The following ABCC4 variants were observed in gnomAD, a reference collection of about 807,000 sequenced individuals.
ABCC4 encodes ATP-binding cassette sub-family C member 4.
A neutral mutation model predicts 168.5 loss-of-function variants in ABCC4; 102 were observed. The observed-to-expected ratio is 0.61, with a 90% CI of 0.52 to 0.71. The LOEUF is 0.71. ABCC4 is among the 30% of genes least tolerant of loss of function. The probability of loss-of-function intolerance (pLI) is 0.00; values close to 1 mark genes in which losing one functional copy is unlikely to be tolerated. For synonymous variants in ABCC4, 617 were observed against 590.7 expected, an observed-to-expected ratio of 1.04 and a Z score of -0.65; for missense variants, 1,402 against 1,605.8, an observed-to-expected ratio of 0.87 and a Z score of 2.17.
chr13:95,214,928 A>T (rs953097204), intron 4 of ABCC4, among the ~76,000 whole-genome samples: 1 of 151,208 alleles, frequency 6.6e-6, no homozygotes, highest in African/African-American at 2.4e-5. Context: ...GAATTCTATC[A>T]CCAACACAAA....
intron 4 of ABCC4, among the ~76,000 whole-genome samples, chr13:95,217,076 A>G (rs2039135165): frequency 6.6e-6 from 1 of 152,242 alleles, no homozygotes; most frequent in Non-Finnish European, 1.5e-5. Context: ...AGTAAACACC[A>G]TCAGAGCAGG....
At chr13:95,221,382 T>C (rs942958574) in intron 4 of ABCC4, among the ~76,000 whole-genome samples, 1 of 152,090 alleles carries the variant, frequency 6.6e-6, no homozygotes, top group African/African-American at 2.4e-5. Context: ...GTACACACCA[T>C]CATGCCTGGC....
chr13:95,032,053 G>GAA (rs2031901046), intron 30 of ABCC4, among the ~76,000 whole-genome samples: 1 of 152,158 alleles, frequency 6.6e-6, no homozygotes. Flanking sequence ...TTTTATGAGG[G>GAA]AAGCTTTGGC....
In ABCC4 at chr13:95,177,967, C is replaced by G. The variant is rs111870162; in HGVS notation, c.1640+30G>C. The G allele has an allele frequency of 1.9e-6, 3 of 1,608,078 alleles. No homozygotes were observed. In the East Asian group the frequency reaches 6.7e-5, roughly 36 times the overall value. On this transcript the variant is annotated intron_variant, in intron 12 of 30. Coordinates refer to ENST00000645237, the MANE Select transcript of ABCC4 (RefSeq NM_005845.5). ...ACCACTGGAAGGTATCAAAAGACACCGGCATAGTGGCTGCTGAAATGCAAC... is the reference window on the plus strand; with the variant it reads ...ACCACTGGAAGGTATCAAAAGACACGGGCATAGTGGCTGCTGAAATGCAAC...
chr13:95,163,761 G>A, intron 16 of ABCC4, 114 bp from the exon 17 acceptor site: 1 of 873,582 alleles, frequency 1.1e-6, no homozygotes, highest in Non-Finnish European at 1.8e-6. Flanking sequence ...GCCGGGCGTG[G>A]TGGCTCATGC....
At chr13:95,080,808 T>C (rs997309667) in intron 21 of ABCC4, among the ~76,000 whole-genome samples, 1 of 152,136 alleles carries the variant, frequency 6.6e-6, no homozygotes, top group Non-Finnish European at 1.5e-5. Flanking sequence ...ATGCCGGCTA[T>C]GACTCCAGGG....
chr13:95,171,856 A>T (rs2037488214), intron 13 of ABCC4, among the ~76,000 whole-genome samples: 1 of 152,118 alleles, frequency 6.6e-6, no homozygotes, highest in Non-Finnish European at 1.5e-5. Context: ...TTATTTCAAA[A>T]CTAAGTTGTT....
intron 28 of ABCC4, 39 bp from the exon 29 acceptor site, chr13:95,043,826 C>A: frequency 1.4e-6 from 2 of 1,450,932 alleles, no homozygotes. Flanking sequence ...CGTAAAGATG[C>A]AAAAAGTAGA....
intron 21 of ABCC4, 85 bp downstream of exon 21, chr13:95,083,055 G>A (rs2034147486): frequency 6.9e-7 from 1 of 1,445,190 alleles, no homozygotes; most frequent in South Asian, 1.3e-5. Flanking sequence ...GACAGAGTCT[G>A]CCGAATTTCA....
At chr13:95,276,037 A>G (rs1465413591) in intron 1 of ABCC4, among the ~76,000 whole-genome samples, 1 of 152,194 alleles carries the variant, frequency 6.6e-6, no homozygotes, top group Non-Finnish European at 1.5e-5. Flanking sequence ...AAAAGCTGCC[A>G]TACATGGTCT....
intron 19 of ABCC4, among the ~76,000 whole-genome samples, chr13:95,151,605 A>G (rs920646091): frequency 3.8e-5 from 3 of 79,410 alleles, no homozygotes; most frequent in Admixed American, 2.6e-4. Flanking sequence ...GGAGGAGGAG[A>G]AGGAGAAGGA....
chr13:95,027,531 T>C (rs2031607384), intron 30 of ABCC4, among the ~76,000 whole-genome samples: 1 of 152,198 alleles, frequency 6.6e-6, no homozygotes, highest in Non-Finnish European at 1.5e-5. Context: ...GGATAAACTT[T>C]AGCTAACTAA....
At chr13:95,198,812 C>T (rs2038536357) in intron 8 of ABCC4, among the ~76,000 whole-genome samples, 1 of 152,142 alleles carries the variant, frequency 6.6e-6, no homozygotes, top group Non-Finnish European at 1.5e-5. Context: ...TTTACAGGGA[C>T]ATGGATGAAG....
intron 16 of ABCC4, 125 bp downstream of exon 16, chr13:95,164,253 T>C: frequency 8.2e-7 from 1 of 1,225,210 alleles, no homozygotes; most frequent in Non-Finnish European, 1.1e-6. Flanking sequence ...AGCCCTCACT[T>C]TGTTCCCCAA....
At chr13:95,054,999 G>A (rs1168850046) in intron 26 of ABCC4, among the ~76,000 whole-genome samples, 1 of 152,190 alleles carries the variant, frequency 6.6e-6, no homozygotes, top group African/African-American at 2.4e-5. Flanking sequence ...GGTAAAATGG[G>A]CACTTTGTGT....
chr13:95,115,275 T>TG (rs1290743283), intron 20 of ABCC4, among the ~76,000 whole-genome samples: 117 of 148,798 alleles, frequency 7.9e-4, no homozygotes, highest in African/African-American at 2.7e-3. Context: ...GATTGTTGGT[T>TG]TTTTTTTTTT....
intron 30 of ABCC4, among the ~76,000 whole-genome samples, chr13:95,029,196 A>ATC (rs1313221261): frequency 0.012 from 1,038 of 86,776 alleles, 15 homozygotes; most frequent in African/African-American, 0.05. Flanking sequence ...ATATATATAT[A>ATC]TATATATATA....
Position 95,044,200 on chromosome 13 carries a change from A to G in ABCC4, c.3629+66T>C, listed in dbSNP as rs552474148. On this transcript the variant is annotated intron_variant, in intron 28 of 30. Transcript: ENST00000645237. ...GCACTTAGAAATATTTCTCAGAATCATTCCATGTTTCCCATTTACACACTT... is the reference window on the plus strand; with the variant it reads ...GCACTTAGAAATATTTCTCAGAATCGTTCCATGTTTCCCATTTACACACTT... The G allele has an allele frequency of 3.1e-5, 44 of 1,402,298 alleles. No individual in the cohort carries two copies. The African/African-American group carries it at 6.0e-4, about 19-fold the overall frequency. The allele number at this position is 1,402,298 out of a possible 1,614,324, so 86.9% of individuals were successfully genotyped here.
intron 1 of ABCC4, among the ~76,000 whole-genome samples, chr13:95,250,951 C>G (rs1001391040): frequency 6.6e-6 from 1 of 151,774 alleles, no homozygotes; most frequent in African/African-American, 2.4e-5. Flanking sequence ...CTGTGCCTGG[C>G]TAATATTTTT....
Sources: allele counts gnomAD v4.1 joint callset (sites outside exome capture counted in the v4.1 genomes callset), GRCh38; gene constraint gnomAD v4.1.1; transcripts MANE v1.5; gene names NCBI Gene and HGNC (gene_info 2026-07-23, HGNC 2026-07-21).